The following GATAD2B variants were observed in gnomAD, a reference collection of about 807,000 sequenced individuals.
GATAD2B encodes GATA zinc finger domain containing 2B.
Under a neutral mutation model 64.3 loss-of-function variants are expected in GATAD2B, and 8 were observed. That is an observed-to-expected ratio of 0.12 (90% CI 0.07 to 0.22). GATAD2B has a LOEUF of 0.22. Among genes scored for constraint, GATAD2B ranks in the 10% least tolerant of loss-of-function variants. GATAD2B has a pLI of 1.00. For synonymous variants in GATAD2B, 281 were observed against 271.3 expected (o/e 1.04, Z -0.35); for missense variants, 453 against 752.0 (o/e 0.60, Z 4.65).
chr1:153,843,573 C>T (rs78053957), intron 1 of GATAD2B, among the ~76,000 whole-genome samples: 3,280 of 152,186 alleles, frequency 0.022, 53 homozygotes, highest in Non-Finnish European at 0.034. Context: ...CCATGCCCAG[C>T]CTTCAATTTT....
At chr1:153,852,836 C>T (rs1385053705) in intron 1 of GATAD2B, 3 of 840,656 alleles carry the variant, frequency 3.6e-6, no homozygotes, top group Non-Finnish European at 6.1e-6. Context: ...TTTTCTAGTT[C>T]TTCCCCAGTG....
intron 1 of GATAD2B, among the ~76,000 whole-genome samples, chr1:153,873,380 T>C (rs746562110): frequency 6.6e-6 from 1 of 152,372 alleles, no homozygotes; most frequent in Middle Eastern, 3.4e-3. Context: ...ATCTGTTGGA[T>C]ACTTGGTGCC....
chr1:153,864,479 C>T (rs1008995745), intron 1 of GATAD2B, among the ~76,000 whole-genome samples: 1 of 152,136 alleles, frequency 6.6e-6, no homozygotes, highest in African/African-American at 2.4e-5. Context: ...TAGCTGAGTA[C>T]AATGGCGCAT....
At chr1:153,813,690 G>C (rs902607332) in intron 7 of GATAD2B, among the ~76,000 whole-genome samples, 5 of 152,186 alleles carry the variant, frequency 3.3e-5, no homozygotes, top group African/African-American at 1.2e-4. Flanking sequence ...AAGAAATGTA[G>C]CTTCTGGCTG....
chr1:153,858,589 A>T (rs1307496365), intron 1 of GATAD2B, among the ~76,000 whole-genome samples: 2 of 152,042 alleles, frequency 1.3e-5, no homozygotes, highest in African/African-American at 2.4e-5. Context: ...TGGGGAACAG[A>T]GCGAGACCAT....
intron 1 of GATAD2B, among the ~76,000 whole-genome samples, chr1:153,911,858 T>C (rs1157712929): frequency 6.6e-6 from 1 of 152,206 alleles, no homozygotes; most frequent in Non-Finnish European, 1.5e-5. Flanking sequence ...CCGTGCACCA[T>C]AACAGTATCC....
At chr1:153,870,265 T>C (rs1005000593) in intron 1 of GATAD2B, among the ~76,000 whole-genome samples, 1 of 151,980 alleles carries the variant, frequency 6.6e-6, no homozygotes, top group African/African-American at 2.4e-5. Context: ...GTCTCTACTT[T>C]TTACTAAAAA....
intron 1 of GATAD2B, among the ~76,000 whole-genome samples, chr1:153,834,513 C>A (rs1675200556): frequency 6.6e-6 from 1 of 152,062 alleles, no homozygotes; most frequent in South Asian, 2.1e-4. Flanking sequence ...CTCAGTCTCC[C>A]GAGTAGCTGG....
chr1:153,891,432 G>A (rs988119745), intron 1 of GATAD2B, among the ~76,000 whole-genome samples: 5 of 151,104 alleles, frequency 3.3e-5, no homozygotes, highest in African/African-American at 7.3e-5. Context: ...AGCTAGGTGT[G>A]GTGGCGGGCA....
chr1:153,813,195 C>G, intron 8 of GATAD2B, 55 bp downstream of exon 8: 1 of 1,419,836 alleles, frequency 7.0e-7, no homozygotes, highest in East Asian at 2.3e-5. Flanking sequence ...GAAGGCGCGA[C>G]CCTTTGGAAA....
intron 1 of GATAD2B, among the ~76,000 whole-genome samples, chr1:153,881,674 T>C (rs1189368139): frequency 1.3e-5 from 2 of 152,172 alleles, no homozygotes; most frequent in African/African-American, 2.4e-5. Context: ...CTTAGAGGTA[T>C]ACATTTTTCC....
At chr1:153,851,897 T>G (rs761061064) in intron 1 of GATAD2B, among the ~76,000 whole-genome samples, 20 of 152,188 alleles carry the variant, frequency 1.3e-4, no homozygotes, top group Admixed American at 4.6e-4. Context: ...AAGCCTAGCA[T>G]TCTTTTCTTA....
chr1:153,913,171 AC>A (rs1442301652), intron 1 of GATAD2B, among the ~76,000 whole-genome samples: 1 of 151,356 alleles, frequency 6.6e-6, no homozygotes, highest in African/African-American at 2.4e-5. Context: ...CAGGCGATCC[AC>A]CCGCCTCAGC....
At chr1:153,893,718 TG>T (rs1677491944) in intron 1 of GATAD2B, among the ~76,000 whole-genome samples, 1 of 151,962 alleles carries the variant, frequency 6.6e-6, no homozygotes, top group Admixed American at 6.6e-5. Context: ...CCCAGCACTT[TG>T]GAGGCCAAGG....
At chr1:153,838,575 C>T (rs1675356849) in intron 1 of GATAD2B, among the ~76,000 whole-genome samples, 1 of 152,038 alleles carries the variant, frequency 6.6e-6, no homozygotes, top group Non-Finnish European at 1.5e-5. Flanking sequence ...AATCATGGCT[C>T]ACTGAAGCCT....
intron 1 of GATAD2B, among the ~76,000 whole-genome samples, chr1:153,884,569 T>A (rs1677117552): frequency 6.6e-6 from 1 of 152,044 alleles, no homozygotes; most frequent in South Asian, 2.1e-4. Flanking sequence ...GCCACTGCAC[T>A]CCAGCCTGGG....
At chr1:153,880,627 A>G (rs1676981264) in intron 1 of GATAD2B, among the ~76,000 whole-genome samples, 1 of 151,992 alleles carries the variant, frequency 6.6e-6, no homozygotes, top group Admixed American at 6.6e-5. Flanking sequence ...TTTGAATGGG[A>G]ACAGAAAGAA....
intron 1 of GATAD2B, among the ~76,000 whole-genome samples, chr1:153,840,617 G>A (rs548694027): frequency 3.9e-5 from 6 of 152,138 alleles, no homozygotes; most frequent in Non-Finnish European, 8.8e-5. Flanking sequence ...GACTACAGGT[G>A]TGAGCCACTG....
At chr1:153,832,975 CTAA>C (rs1382190358) in intron 1 of GATAD2B, among the ~76,000 whole-genome samples, 1 of 152,170 alleles carries the variant, frequency 6.6e-6, no homozygotes, top group Non-Finnish European at 1.5e-5. Flanking sequence ...TTGTTAGAGG[CTAA>C]TATGGCTGGT....
Sources: gnomAD v4.1 joint callset for allele counts (sites outside exome capture counted in the v4.1 genomes callset) on GRCh38, gnomAD v4.1.1 for gene constraint, MANE v1.5 for transcripts, NCBI Gene and HGNC (gene_info 2026-07-23, HGNC 2026-07-21) for gene names.